The following NLRP11 variants were observed in gnomAD, a reference collection of about 807,000 sequenced individuals.
NLRP11 encodes NACHT, LRR and PYD domains-containing protein 11.
A neutral mutation model predicts 79.3 loss-of-function variants in NLRP11; 53 were observed. That is an observed-to-expected ratio of 0.67 (90% CI 0.54 to 0.84). The LOEUF (loss-of-function observed/expected upper bound fraction) is 0.84, where lower values mean the gene tolerates loss of function less well. Among genes scored for constraint, NLRP11 ranks in the 40% least tolerant of loss-of-function variants. The probability of loss-of-function intolerance (pLI) is 0.00; values close to 1 mark genes in which losing one functional copy is unlikely to be tolerated. For synonymous variants in NLRP11, 518 were observed against 462.6 expected (o/e 1.12, Z -1.54); for missense variants, 1,264 against 1,255.0 (o/e 1.01, Z -0.11).
intron 5 of NLRP11, among the ~76,000 whole-genome samples, chr19:55,800,239 AAGCGTGGCT>A (rs1264918273): frequency 2.6e-5 from 4 of 152,208 alleles, no homozygotes; most frequent in African/African-American, 9.6e-5. Flanking sequence ...TGAGCACTCA[AAGCGTGGCT>A]AGCATGACTG....
At chr19:55,795,730 C>T (rs768990191) in intron 6 of NLRP11, among the ~76,000 whole-genome samples, 55 of 152,198 alleles carry the variant, frequency 3.6e-4, no homozygotes, top group East Asian at 1.2e-3. Context: ...CCTTGTGATC[C>T]GCCTGCCTCG....
In NLRP11 at chr19:55,817,825, A is replaced by AG. The variant is rs1005724599; in HGVS notation, c.271+78_271+79insC. The AG allele has an allele frequency of 3.4e-6, 4 of 1,178,206 alleles. No individual in the cohort carries two copies. The African/African-American group carries it at 6.2e-5, about 18-fold the overall frequency. 73.0% of individuals were successfully genotyped at this position (1,178,206 alleles called of 1,614,324 possible). A position where few individuals can be genotyped will look rare whatever the true frequency, so the allele number is the denominator to read the frequency against. On this transcript the variant is annotated intron_variant, in intron 2 of 9. Transcript: ENST00000589093. Reference sequence around the variant, plus strand: ...GCTTCCCAGAAACCTATTTAGAAAAAAAAAAAAAAAAAGGCCCAACACCCA... The same window carrying AG: ...GCTTCCCAGAAACCTATTTAGAAAAAGAAAAAAAAAAAAGGCCCAACACCCA...
Position 55,809,141 on chromosome 19 carries a change from T to C in NLRP11, c.1469A>G (p.Gln490Arg). The C allele has an allele frequency of 6.2e-7, 1 of 1,613,954 alleles. No individual in the cohort carries two copies. Among genetic ancestry groups the C allele is most frequent in the Non-Finnish European group, 8.5e-7 (1 of 1,179,968 alleles). Reference sequence around the variant, plus strand: ...AAGACCAAAAATGAAAGTAAACACTTGATTAAAGTCAGAGTATTGTTCTCT... The same window carrying C: ...AAGACCAAAAATGAAAGTAAACACTCGATTAAAGTCAGAGTATTGTTCTCT... The change falls in exon 3 of 10, where the codon CAA (glutamine) becomes CGA (arginine). Residue 490 changes from glutamine to arginine, a missense_variant. Gln to Arg is a conservative substitution (Grantham distance 43, BLOSUM62 1). Transcript: ENST00000589093. The surrounding 1 kb of genome is among the most constrained non-coding windows in gnomAD (Gnocchi z 4.5).
chr19:55,805,769 A>G (rs1979930291), intron 4 of NLRP11, among the ~76,000 whole-genome samples: 1 of 151,904 alleles, frequency 6.6e-6, no homozygotes. Context: ...CGAACTCCCA[A>G]CCTCAAGTGA....
At chr19:55,792,257 T>G in intron 7 of NLRP11, 44 bp downstream of exon 7, 2 of 1,561,480 alleles carry the variant, frequency 1.3e-6, no homozygotes, top group Non-Finnish European at 1.8e-6. Context: ...CAAGCCCTCA[T>G]GCAGTAGAAA....
At chr19:55,801,574 C>A in exon 5 of NLRP11, 2 of 1,613,892 alleles carry the variant, frequency 1.2e-6, no homozygotes, top group South Asian at 2.2e-5. Context: ...CAACTCACCT[C>A]AGATGACTTA....
chr19:55,827,728 A>G (rs1443578403), intron 1 of NLRP11, among the ~76,000 whole-genome samples: 2 of 151,784 alleles, frequency 1.3e-5, no homozygotes, highest in Non-Finnish European at 2.9e-5. Context: ...ACCATCTCAC[A>G]CCAGTTAGAA....
At chr19:55,792,527 C>G in intron 6 of NLRP11, 56 bp from the exon 7 acceptor site, 1 of 1,449,748 alleles carries the variant, frequency 6.9e-7, no homozygotes, top group Non-Finnish European at 9.7e-7. Context: ...AGGGGAGCAC[C>G]TGAGACCACC....
chr19:55,827,659 GA>G (rs1205477420), intron 1 of NLRP11, among the ~76,000 whole-genome samples: 6 of 150,976 alleles, frequency 4.0e-5, no homozygotes, highest in Non-Finnish European at 7.4e-5. Context: ...AAAAAAACAT[GA>G]AAAAATGCTC....
intron 1 of NLRP11, among the ~76,000 whole-genome samples, chr19:55,819,368 A>G (rs1225202702): frequency 6.6e-6 from 1 of 152,174 alleles, no homozygotes; most frequent in African/African-American, 2.4e-5. Flanking sequence ...CCCCTTGGTT[A>G]TCTTTTCCCT....
intron 5 of NLRP11, among the ~76,000 whole-genome samples, chr19:55,800,804 A>T (rs967176296): frequency 2.6e-5 from 4 of 152,206 alleles, no homozygotes; most frequent in Non-Finnish European, 4.4e-5. Context: ...TTTACAAAAA[A>T]GGGAATATAA....
At chr19:55,817,466 C>T (rs1396405865) in intron 2 of NLRP11, among the ~76,000 whole-genome samples, 1 of 151,970 alleles carries the variant, frequency 6.6e-6, no homozygotes, top group Non-Finnish European at 1.5e-5. Flanking sequence ...TGAACACACA[C>T]ACACACACAC....
chr19:55,817,726 T>C (rs945253121), intron 2 of NLRP11, among the ~76,000 whole-genome samples, 178 bp downstream of exon 2: 3 of 151,362 alleles, frequency 2.0e-5, no homozygotes, highest in African/African-American at 7.3e-5. Flanking sequence ...CAGTGTGCAC[T>C]GCTCAGACGG....
intron 5 of NLRP11, 92 bp from the exon 6 acceptor site, chr19:55,796,342 A>C: frequency 1.0e-6 from 1 of 994,344 alleles, no homozygotes; most frequent in Non-Finnish European, 1.5e-6. Context: ...AGACCTAACC[A>C]AGTGCGATGA....
intron 1 of NLRP11, among the ~76,000 whole-genome samples, chr19:55,829,336 C>T (rs1288819301): frequency 2.0e-5 from 3 of 151,714 alleles, no homozygotes; most frequent in Admixed American, 1.3e-4. Context: ...TAGATATTTC[C>T]GGTGCATTAT....
In NLRP11 at chr19:55,785,883, C is replaced by G. The variant is rs59238812; in HGVS notation, c.2856-12G>C. 249,373 of 1,607,684 alleles carry G rather than the reference C, an allele frequency of 0.16. 21,283 individuals are homozygous for G. Among genetic ancestry groups the G allele is most frequent in the African/African-American group, 0.28 (21,158 of 74,560 alleles). On this transcript the variant is annotated splice_polypyrimidine_tract_variant and intron_variant, in intron 9 of 9. Coordinates refer to ENST00000589093, the Ensembl canonical transcript of NLRP11. ...CAGTTAATGGAAGCCTGAAGGAAAACAGAGAGAGAACGCCGTTAATGCTAC... is the reference window on the plus strand; with the variant it reads ...CAGTTAATGGAAGCCTGAAGGAAAAGAGAGAGAGAACGCCGTTAATGCTAC...
chr19:55,812,049 T>G (rs1980656374), intron 2 of NLRP11, among the ~76,000 whole-genome samples: 1 of 151,894 alleles, frequency 6.6e-6, no homozygotes, highest in South Asian at 2.1e-4. Context: ...CATGTCAACA[T>G]TCCACAATGG....
In NLRP11 at chr19:55,823,265, A is replaced by G. The variant is rs12971560; in HGVS notation, c.-62-5029T>C. Among the ~76,000 whole-genome samples the G allele has an allele frequency of 2.5e-3, 346 of 137,456 alleles. 8 individuals carry two copies. The highest frequency in any genetic ancestry group is 3.8e-3 in the Non-Finnish European group (243 of 64,682). 90.2% of individuals were successfully genotyped at this position (137,456 alleles called of 152,430 possible). A position where few individuals can be genotyped will look rare whatever the true frequency, so the allele number is the denominator to read the frequency against. ...ATCCACACCGAAAACCCATCTGTAC[A>G]TCACCATCATCAAAGACCAAAAGTA... On this transcript the variant is annotated intron_variant, in intron 1 of 9. Transcript: ENST00000589093.
upstream of NLRP11, among the ~76,000 whole-genome samples, chr19:55,833,717 G>A (rs1046911571): frequency 1.7e-4 from 22 of 132,080 alleles, no homozygotes; most frequent in East Asian, 6.9e-4. Context: ...GCAGTGAGCC[G>A]AGATCAGGCC....
Sources: allele counts gnomAD v4.1 joint callset (sites outside exome capture counted in the v4.1 genomes callset), GRCh38; gene constraint gnomAD v4.1.1; non-coding constraint Gnocchi (gnomAD v3.1); transcripts MANE v1.5; gene names NCBI Gene and HGNC (gene_info 2026-07-23, HGNC 2026-07-21).